Variants in PKHD1 observed in about 807,000 individuals in gnomAD.
The protein encoded by PKHD1 is PKHD1 ciliary IPT domain containing fibrocystin/polyductin, also known as fibrocystin.
PKHD1 carries 291 observed loss-of-function variants against 412.0 expected under a neutral mutation model. The ratio of observed to expected loss-of-function variants is 0.71; its 90% CI spans 0.64 to 0.78. The LOEUF is 0.78. Among genes scored for constraint, PKHD1 ranks in the 30% least tolerant of loss-of-function variants. The pLI, the probability that PKHD1 is intolerant of heterozygous loss-of-function variation, is 0.00. For synonymous variants in PKHD1, 1,777 were observed against 1,821.5 expected (o/e 0.98, Z 0.62); for missense variants, 4,825 against 4,950.7 (o/e 0.97, Z 0.76).
At chr6:51,627,154 G>GATAAAAAGAACATTTTTA in intron 65 of PKHD1, 38 bp from the exon 66 acceptor site, 9 of 1,599,584 alleles carry the variant, frequency 5.6e-6, no homozygotes, top group African/African-American at 1.3e-5. Context: ...TTTTTGTTCA[G>GATAAAAAGAACATTTTTA]TTGTAAGTGG....
At chr6:52,045,227 G>T in intron 24 of PKHD1, 139 bp from the exon 25 acceptor site, 3 of 815,634 alleles carry the variant, frequency 3.7e-6, no homozygotes. Context: ...ACAGAGAATT[G>T]AAATATAGAA....
chr6:51,972,077 G>T (rs949927409), intron 35 of PKHD1, among the ~76,000 whole-genome samples: 39 of 152,164 alleles, frequency 2.6e-4, no homozygotes, highest in African/African-American at 9.4e-4. Flanking sequence ...CTCTATGTCT[G>T]AGAATGATAT....
At chr6:51,951,276 T>C (rs563604514) in intron 36 of PKHD1, among the ~76,000 whole-genome samples, 1 of 152,084 alleles carries the variant, frequency 6.6e-6, no homozygotes, top group African/African-American at 2.4e-5. Flanking sequence ...CATGGCTTTC[T>C]AAAAAGTCAC....
chr6:51,908,474 G>A (rs1782471290), intron 40 of PKHD1, among the ~76,000 whole-genome samples: 1 of 152,108 alleles, frequency 6.6e-6, no homozygotes, highest in Non-Finnish European at 1.5e-5. Context: ...GCTGATGAAT[G>A]GGGAGGATTA....
intron 36 of PKHD1, among the ~76,000 whole-genome samples, chr6:51,950,220 A>AAAAAAATATATATATATATATAT: frequency 3.2e-4 from 31 of 98,286 alleles, no homozygotes; most frequent in Admixed American, 1.3e-3. Context: ...GAAAAAAAAA[A>AAAAAAATATATATATATATATAT]ATATATATAT....
At chr6:51,719,582 C>G (rs1562161895) in intron 60 of PKHD1, among the ~76,000 whole-genome samples, 1 of 152,120 alleles carries the variant, frequency 6.6e-6, no homozygotes, top group African/African-American at 2.4e-5. Flanking sequence ...CCTCTCCCCA[C>G]ATTGAGAAAC....
chr6:51,848,839 T>C lies in PKHD1; in HGVS notation c.7912-869A>G, dbSNP rs1771670834. Among the ~76,000 whole-genome samples, 4 of 151,768 alleles carry C rather than the reference T, an allele frequency of 2.6e-5. No individual in the cohort carries two copies. The South Asian group carries it at 8.3e-4, about 32-fold the overall frequency. On this transcript the variant is annotated intron_variant, in intron 49 of 66. Coordinates refer to ENST00000371117, the MANE Select transcript of PKHD1 (RefSeq NM_138694.4). ...ATGTGTTAAAAGTATGAAAATAAGC[T>C]TAGGGAATTCCACTGGATTGCTGTT...
At chr6:51,913,721 C>T (rs773801186) in intron 37 of PKHD1, among the ~76,000 whole-genome samples, 10 of 152,044 alleles carry the variant, frequency 6.6e-5, no homozygotes, top group Admixed American at 2.6e-4. Context: ...TTTAAACTTT[C>T]CTCTTTATTT....
In PKHD1 at chr6:52,022,918, CAT is replaced by C; in HGVS notation, c.5261_5262del (p.His1754ArgfsTer25). ...NFGCLGGRLV[H>X]VFGAGFSPGN... is the part of the protein sequence containing the mutation. ...CCTGGAGAAAATCCCGCTCCAAACA[CAT>C]GCACCAGCCTTCCACCCAGGCAGCC... On this transcript the variant is annotated frameshift_variant, in exon 33 of 67. Coordinates refer to ENST00000371117, the MANE Select transcript of PKHD1 (RefSeq NM_138694.4). LOFTEE classifies it high-confidence loss of function. 1.2e-6 allele frequency: 2 copies of C among 1,614,188 alleles called. No individual in the cohort carries two copies. Among genetic ancestry groups the C allele is most frequent in the Non-Finnish European group, 8.5e-7 (1 of 1,180,034 alleles).
chr6:51,828,462 A>C (rs563692188), intron 52 of PKHD1, among the ~76,000 whole-genome samples: 5 of 152,132 alleles, frequency 3.3e-5, no homozygotes, highest in Non-Finnish European at 7.4e-5. Context: ...TATCACCATC[A>C]TTACTATCAT....
rs774766928 is a variant in PKHD1, at chr6:52,043,706, G to A, written c.2740C>T (p.Pro914Ser). 25 of 1,613,506 alleles carry A rather than the reference G, an allele frequency of 1.5e-5. No individual in the cohort carries two copies. The highest frequency in any genetic ancestry group is 2.2e-5 in the East Asian group (1 of 44,868). The change falls in exon 26 of 67, where the codon CCA (proline) becomes TCA (serine). Residue 914 changes from proline (P) to serine (S), a missense_variant. By Grantham distance (74) the Pro-to-Ser change is moderately conservative. Coordinates refer to ENST00000371117, the MANE Select transcript of PKHD1 (RefSeq NM_138694.4). ...TQVVVRVNDVPAHCPGSCSFQ... is the reference protein window; with the variant it reads ...TQVVVRVNDVSAHCPGSCSFQ... ...GAGCAGGAACCTGGGCAATGAGCTG[G>A]TACATCATTCACTCGCACAACCACC...
At chr6:52,057,837 C>T (rs1808016062) in intron 16 of PKHD1, among the ~76,000 whole-genome samples, 1 of 152,068 alleles carries the variant, frequency 6.6e-6, no homozygotes, top group South Asian at 2.1e-4. Flanking sequence ...TCTTTGTACA[C>T]CAAAAAGTGA....
intron 14 of PKHD1, among the ~76,000 whole-genome samples, chr6:52,062,058 A>G (rs1283326014): frequency 2.0e-5 from 3 of 152,168 alleles, no homozygotes; most frequent in Admixed American, 6.5e-5. Flanking sequence ...TTCCCCTACT[A>G]TACAAGGGCC....
chr6:51,839,163 T>C (rs1320245099), intron 50 of PKHD1, among the ~76,000 whole-genome samples: 1 of 152,218 alleles, frequency 6.6e-6, no homozygotes, highest in African/African-American at 2.4e-5. Context: ...AAATGTGAAG[T>C]GTCATTTCCA....
chr6:51,913,197 C>T (rs1228059290), intron 37 of PKHD1, among the ~76,000 whole-genome samples: 2 of 152,070 alleles, frequency 1.3e-5, no homozygotes, highest in South Asian at 2.1e-4. Context: ...ATGAAGACTT[C>T]ACAAATAACA....
intron 61 of PKHD1, among the ~76,000 whole-genome samples, chr6:51,651,258 T>A (rs1285649556): frequency 6.6e-6 from 1 of 152,184 alleles, no homozygotes; most frequent in East Asian, 1.9e-4. Context: ...AATACCACTT[T>A]AAGCTCCACA....
At chr6:51,807,450 AAAAAAAAAATAT>A (rs1457091743) in intron 52 of PKHD1, among the ~76,000 whole-genome samples, 3 of 104,024 alleles carry the variant, frequency 2.9e-5, no homozygotes, top group East Asian at 3.0e-4. Context: ...AAAAAAAAAA[AAAAAAAAAATAT>A]ATATATATAT....
chr6:51,629,012 T>C (rs1358362752), intron 65 of PKHD1, among the ~76,000 whole-genome samples: 2 of 152,182 alleles, frequency 1.3e-5, no homozygotes. Flanking sequence ...GCTAGCCATA[T>C]GTAGAAGAAT....
chr6:52,010,521 A>C, intron 34 of PKHD1, 62 bp from the exon 35 acceptor site: 1 of 1,345,370 alleles, frequency 7.4e-7, no homozygotes, highest in Non-Finnish European at 1.1e-6. Context: ...AATTATTTTT[A>C]CTCTTATTAA....
Sources: gnomAD v4.1 joint callset for allele counts (sites outside exome capture counted in the v4.1 genomes callset) on GRCh38, gnomAD v4.1.1 for gene constraint, MANE v1.5 for transcripts, NCBI Gene and HGNC (gene_info 2026-07-23, HGNC 2026-07-21) for gene names.